Variants in CREB3L4 observed in about 807,000 individuals in gnomAD.
CREB3L4 encodes the protein cAMP responsive element binding protein 3 like 4, also known as cyclic AMP-responsive element-binding protein 3-like protein 4.
A neutral mutation model predicts 37.0 loss-of-function variants in CREB3L4; 28 were observed. That is an observed-to-expected ratio of 0.76 (90% CI 0.56 to 1.04). CREB3L4 has a LOEUF of 1.04. Ranked by LOEUF, CREB3L4 falls within the 50% of genes least tolerant of loss-of-function variation. CREB3L4 has a pLI of 0.00. For synonymous variants in CREB3L4, 175 were observed against 192.2 expected (o/e 0.91, Z 0.74); for missense variants, 462 against 486.0 (o/e 0.95, Z 0.46).
chr1:153,971,168 G>C (rs1648332981), intron 4 of CREB3L4, among the ~76,000 whole-genome samples: 1 of 147,818 alleles, frequency 6.8e-6, no homozygotes, highest in Non-Finnish European at 1.5e-5. Flanking sequence ...AGGAGTTCGA[G>C]ACCAGCCTGG....
chr1:153,968,681 C>T lies in CREB3L4; in HGVS notation c.156C>T (p.Ser52=), dbSNP rs1571105328. 7 of 1,613,710 alleles carry T rather than the reference C, an allele frequency of 4.3e-6. No homozygotes were observed. Among genetic ancestry groups the T allele is most frequent in the East Asian group, 4.5e-5 (2 of 44,850 alleles). ...LQEQGLQGWK[S]GGDRGCGLQE... ...AACAGGGACTGCAAGGCTGGAAGTCCGGTGGGGACCGTGGCTGTGTGAGTG... is the reference window on the plus strand; with the variant it reads ...AACAGGGACTGCAAGGCTGGAAGTCTGGTGGGGACCGTGGCTGTGTGAGTG... The change falls in exon 2 of 10, where the codon TCC becomes TCT. Residue 52 remains serine, a synonymous_variant. Coordinates refer to ENST00000368607, the MANE Select transcript of CREB3L4 (RefSeq NM_001255978.2).
rs41308369 is a variant in CREB3L4, at chr1:153,972,762, T to C, written c.562T>C (p.Phe188Leu). Residue 188 changes from phenylalanine to leucine, a missense_variant, in exon 5 of 10, where the codon TTC becomes CTC. Coordinates refer to ENST00000368607, the MANE Select transcript of CREB3L4 (RefSeq NM_001255978.2). ...CTTLLPCQTLFLTDEEKRLLG... is the reference protein window; with the variant it reads ...CTTLLPCQTLLLTDEEKRLLG... Reference sequence around the variant, plus strand: ...CCCCCAGCTGCCCTGTCAAACCCTGTTCCTGACCGATGAGGAGAAGCGTCT... The same window carrying C: ...CCCCCAGCTGCCCTGTCAAACCCTGCTCCTGACCGATGAGGAGAAGCGTCT... The C allele has an allele frequency of 1.2e-6, 2 of 1,613,868 alleles. No homozygotes were observed. The highest frequency in any genetic ancestry group is 1.7e-6 in the Non-Finnish European group (2 of 1,179,930).
Position 153,974,121 on chromosome 1 carries a change from T to A in CREB3L4, c.*56T>A. The A allele has an allele frequency of 1.3e-6, 2 of 1,543,594 alleles. 1 individual carries two copies. The stretch of plus-strand genomic sequence containing the variant: ...GATCACAAGGAATCCTGGGCTTCCT[T>A]ATGGCTTTGCTTCCCACTGGGATTC... On this transcript the variant is annotated 3_prime_UTR_variant, in exon 10 of 10. Transcript: ENST00000368607.
At position 153,973,954 on chromosome 1, in the gene CREB3L4, A is replaced by T. The variant is rs1648670273; in HGVS notation, c.1077A>T (p.Pro359=). ...TGGTAGAGTCCAGACTGAGGGAGCC[A>T]CCTGGAGCCAAGGATGCAAATGGCT... ...TQVVESRLRE[P]PGAKDANGST... is the part of the protein sequence containing the mutation. The change falls in exon 10 of 10, where the codon CCA becomes CCT. Residue 359 remains proline (P), a synonymous_variant. Coordinates refer to ENST00000368607, the MANE Select transcript of CREB3L4 (RefSeq NM_001255978.2). 1 of 1,614,054 alleles carries T rather than the reference A, an allele frequency of 6.2e-7. No homozygotes were observed. The highest frequency in any genetic ancestry group is 1.1e-5 in the South Asian group (1 of 91,088).
intron 4 of CREB3L4, among the ~76,000 whole-genome samples, chr1:153,970,277 G>A (rs539147091): frequency 7.9e-5 from 12 of 152,218 alleles, no homozygotes; most frequent in African/African-American, 2.9e-4. Context: ...AAGAACCCTT[G>A]GGGGTAAGGT....
Position 153,973,281 on chromosome 1 carries a change from G to A in CREB3L4, c.812+18G>A, listed in dbSNP as rs762150882. Reference sequence around the variant, plus strand: ...CACAACATGTGAGTGAAAGCATTGTGTGTGTATGTGTGTTTTGAAGGCAGG... The same window carrying A: ...CACAACATGTGAGTGAAAGCATTGTATGTGTATGTGTGTTTTGAAGGCAGG... On this transcript the variant is annotated intron_variant, in intron 7 of 9. Transcript: ENST00000368607. 2 of 1,613,636 alleles carry A rather than the reference G, an allele frequency of 1.2e-6. No individual in the cohort carries two copies. Among genetic ancestry groups the A allele is most frequent in the Non-Finnish European group, 1.7e-6 (2 of 1,179,660 alleles).
At chr1:153,968,809 C>T (rs1648038553) in intron 2 of CREB3L4, 110 bp downstream of exon 2, 27 of 1,527,270 alleles carry the variant, frequency 1.8e-5, no homozygotes, top group Non-Finnish European at 2.1e-5. Context: ...CCAAAATAGA[C>T]GTAAGTTGTA....
In CREB3L4 at chr1:153,969,348, GCA is replaced by G. The variant is rs1648115345; in HGVS notation, c.437_438del (p.Ala146ValfsTer5). The G allele has an allele frequency of 6.2e-7, 1 of 1,614,082 alleles. No individual in the cohort carries two copies. The highest frequency in any genetic ancestry group is 1.3e-5 in the African/African-American group (1 of 74,914). Reference sequence around the variant, plus strand: ...TTCTACTCCAGATCAGTGGAGCCCAGCATTTATGGTGCCTGATTCCTGCATGG... The same window carrying G: ...TTCTACTCCAGATCAGTGGAGCCCAGTTTATGGTGCCTGATTCCTGCATGG... ...ISIQLDQWSP[A>X]FMVPDSCMVS... is the part of the protein sequence containing the mutation. On this transcript the variant is annotated frameshift_variant, in exon 4 of 10. Coordinates refer to ENST00000368607, the MANE Select transcript of CREB3L4 (RefSeq NM_001255978.2). LOFTEE classifies it high-confidence loss of function.
Position 153,973,023 on chromosome 1 carries a change from T to G in CREB3L4, c.688T>G (p.Ser230Ala), listed in dbSNP as rs1292254552. 1.2e-6 allele frequency: 2 copies of G among 1,614,072 alleles called. No individual in the cohort carries two copies. Among genetic ancestry groups the G allele is most frequent in the Non-Finnish European group, 1.7e-6 (2 of 1,180,004 alleles). ...CAGGAGGAAAATCCGTAACAAGCAG[T>G]CAGCTCAGGACAGTCGGCGGCGGAA... is the stretch of plus-strand genomic sequence containing the variant. ...KVRRKIRNKQ[S>A]AQDSRRRKKE... The change falls in exon 6 of 10, where the codon TCA (serine) becomes GCA (alanine). Residue 230 changes from serine (S) to alanine (A), a missense_variant. By Grantham distance (99) the Ser-to-Ala change is moderately conservative. Coordinates refer to ENST00000368607, the MANE Select transcript of CREB3L4 (RefSeq NM_001255978.2).
intron 3 of CREB3L4, 69 bp downstream of exon 3, chr1:153,969,245 T>G (rs1175146347): frequency 6.2e-7 from 1 of 1,613,866 alleles, no homozygotes; most frequent in Admixed American, 1.7e-5. Context: ...GTTAAGGGGG[T>G]TTACCCAACC....
At position 153,974,044 on chromosome 1, in the gene CREB3L4, G is replaced by A. The variant is rs1002811548; in HGVS notation, c.1167G>A (p.Val389=). 6.2e-7 allele frequency: 1 copy of A among 1,613,794 alleles called. No individual in the cohort carries two copies. Among genetic ancestry groups the A allele is most frequent in the African/African-American group, 1.3e-5 (1 of 74,930 alleles). ...KPRPSGRIRS[V]LHADEM ...GACCCAGTGGGCGCATCCGGTCCGT[G>A]CTGCATGCAGATGAGATGTGAGCTG... The change falls in exon 10 of 10, where the codon GTG becomes GTA. Residue 389 remains valine, a synonymous_variant. Coordinates refer to ENST00000368607, the MANE Select transcript of CREB3L4 (RefSeq NM_001255978.2).
upstream of CREB3L4, chr1:153,967,748 G>C (rs1313432802): frequency 6.6e-6 from 1 of 152,238 alleles, no homozygotes; most frequent in Non-Finnish European, 1.5e-5. Context: ...TTACGGAAGA[G>C]GCGGCCTTGA....
intron 4 of CREB3L4, among the ~76,000 whole-genome samples, chr1:153,971,166 G>A (rs984222285): frequency 3.4e-5 from 5 of 148,104 alleles, no homozygotes; most frequent in South Asian, 4.6e-4. Context: ...TCAGGAGTTC[G>A]AGACCAGCCT....
chr1:153,968,927 T>A lies in CREB3L4; in HGVS notation c.175-3T>A, dbSNP rs377029794. The stretch of plus-strand genomic sequence containing the variant: ...ACATATATATAACCTTTTCCTACTG[T>A]AGGGCCTTCAAGAGAGTGAGCCTGA... On this transcript the variant is annotated splice_polypyrimidine_tract_variant and splice_region_variant and intron_variant, in intron 2 of 9. Transcript: ENST00000368607. 1 of 1,605,270 alleles carries A rather than the reference T, an allele frequency of 6.2e-7. No individual in the cohort carries two copies. Among genetic ancestry groups the A allele is most frequent in the East Asian group, 2.2e-5 (1 of 44,796 alleles).
rs1373110733 is a variant in CREB3L4, at chr1:153,973,185, T to C, written c.744-10T>C. ...GTTGCTGAGCCTTGTCCTACCTCCC[T>C]ACATTCTAGGGTGGCAGCCTGTTCT... On this transcript the variant is annotated splice_polypyrimidine_tract_variant and intron_variant, in intron 6 of 9. Transcript: ENST00000368607. 4 of 1,613,910 alleles carry C rather than the reference T, an allele frequency of 2.5e-6. No individual in the cohort carries two copies. In the African/African-American group the frequency reaches 5.3e-5, roughly 22 times the overall value.
intron 4 of CREB3L4, 130 bp downstream of exon 4, chr1:153,969,585 G>A (rs899354303): frequency 3.0e-6 from 3 of 997,658 alleles, no homozygotes; most frequent in African/African-American, 3.2e-5. Flanking sequence ...CATTGGGCCT[G>A]AAGACCAAGG....
chr1:153,970,125 C>T (rs995506871), intron 4 of CREB3L4, among the ~76,000 whole-genome samples: 9 of 151,864 alleles, frequency 5.9e-5, no homozygotes, highest in Non-Finnish European at 1.2e-4. Context: ...GACGGGTTTC[C>T]ACCATATTGG....
intron 4 of CREB3L4, among the ~76,000 whole-genome samples, chr1:153,971,648 T>C (rs923772128): frequency 6.7e-6 from 1 of 149,542 alleles, no homozygotes; most frequent in Non-Finnish European, 1.5e-5. Context: ...TCATTTTCAG[T>C]GATTTTGATT....
upstream of CREB3L4, chr1:153,967,668 G>A (rs1647889110): frequency 6.6e-6 from 1 of 150,476 alleles, no homozygotes. Flanking sequence ...TAAGAATAAA[G>A]AAAAAAAAAA....
Sources: allele counts gnomAD v4.1 joint callset (sites outside exome capture counted in the v4.1 genomes callset), GRCh38; gene constraint gnomAD v4.1.1; transcripts MANE v1.5; gene names NCBI Gene and HGNC (gene_info 2026-07-23, HGNC 2026-07-21).